Variants in SLC1A7 observed in about 807,000 individuals in gnomAD.
The protein encoded by SLC1A7 is solute carrier family 1 member 7, also known as excitatory amino acid transporter 5.
A neutral mutation model predicts 47.7 loss-of-function variants in SLC1A7; 40 were observed. The observed-to-expected ratio is 0.84, with a 90% CI of 0.65 to 1.09. The LOEUF (loss-of-function observed/expected upper bound fraction) is 1.09, where lower values mean the gene tolerates loss of function less well. Ranked by LOEUF, SLC1A7 falls within the 50% of genes least tolerant of loss-of-function variation. The probability of loss-of-function intolerance (pLI) is 0.00; values close to 1 mark genes in which losing one functional copy is unlikely to be tolerated. For missense variants in SLC1A7, 746 were observed against 769.5 expected (o/e 0.97, Z 0.36); for synonymous variants, 323 against 325.6 (o/e 0.99, Z 0.09).
rs773435813 is a variant in SLC1A7, at chr1:53,092,549, G to T, written c.1031+5C>A. 6.3e-5 allele frequency: 102 copies of T among 1,606,768 alleles called. No individual in the cohort carries two copies. Among genetic ancestry groups the T allele is most frequent in the Non-Finnish European group, 8.4e-5 (98 of 1,173,590 alleles). On this transcript the variant is annotated splice_donor_5th_base_variant and intron_variant, in intron 7 of 10. Transcript: ENST00000371494. ...CCCCACCGTCCTGCCCGTCCCCGGG[G>T]CTACCTGGAGGAGGTGGCCAGCGCG...
At position 53,088,179 on chromosome 1, in the gene SLC1A7, C is replaced by T; in HGVS notation, c.1513G>A (p.Ala505Thr). 6.2e-7 allele frequency: 1 copy of T among 1,613,468 alleles called. No individual in the cohort carries two copies. The highest frequency in any genetic ancestry group is 8.5e-7 in the Non-Finnish European group (1 of 1,179,666). Reference sequence around the variant, plus strand: ...TTCACACAGCCATTCTGCTGGGCTGCCACGATCTCCTGGAGGCTCACTGGC... The same window carrying T: ...TTCACACAGCCATTCTGCTGGGCTGTCACGATCTCCTGGAGGCTCACTGGC... ...TKPVSLQEIV[A>T]AQQNGCVKSV... Residue 505 changes from alanine (A) to threonine (T), a missense_variant, in exon 11 of 11, where the codon GCA (alanine) becomes ACA (threonine). Physicochemically the swap from Ala to Thr is moderately conservative, Grantham distance 58 (BLOSUM62 0). Coordinates refer to ENST00000371494, the MANE Select transcript of SLC1A7 (RefSeq NM_006671.6).
chr1:53,105,707 C>T, intron 4 of SLC1A7, 25 bp downstream of exon 4: 2 of 1,597,116 alleles, frequency 1.3e-6, no homozygotes, highest in Non-Finnish European at 1.7e-6. Flanking sequence ...CTTCCCTCCC[C>T]TCCACTGCCC....
At chr1:53,103,224 T>G (rs1045757540) in intron 5 of SLC1A7, 122 bp downstream of exon 5, 21 of 727,062 alleles carry the variant, frequency 2.9e-5, no homozygotes, top group Non-Finnish European at 4.6e-5. Flanking sequence ...ATATTTCCAG[T>G]TTTTCACAGT....
At position 53,088,185 on chromosome 1, in the gene SLC1A7, T is replaced by C. The variant is rs761549622; in HGVS notation, c.1507A>G (p.Ile503Val). 2.5e-6 allele frequency: 4 copies of C among 1,612,878 alleles called. No individual in the cohort carries two copies. In the African/African-American group the frequency reaches 5.3e-5, roughly 22 times the overall value. ...CAGCCATTCTGCTGGGCTGCCACGATCTCCTGGAGGCTCACTGGCTTGGTC... is the reference window on the plus strand; with the variant it reads ...CAGCCATTCTGCTGGGCTGCCACGACCTCCTGGAGGCTCACTGGCTTGGTC... ...CETKPVSLQE[I>V]VAAQQNGCVK... The change falls in exon 11 of 11, where the codon ATC becomes GTC. Residue 503 changes from isoleucine (I) to valine (V), a missense_variant. Coordinates refer to ENST00000371494, the MANE Select transcript of SLC1A7 (RefSeq NM_006671.6).
chr1:53,132,451 G>A (rs1219482945), intron 2 of SLC1A7, among the ~76,000 whole-genome samples: 2 of 152,174 alleles, frequency 1.3e-5, no homozygotes, highest in Non-Finnish European at 1.5e-5. Flanking sequence ...CCAATGACAG[G>A]CCCGATGGAA....
chr1:53,116,894 A>G (rs1644768630), intron 2 of SLC1A7, among the ~76,000 whole-genome samples: 1 of 152,244 alleles, frequency 6.6e-6, no homozygotes. Context: ...GGAAGAAATC[A>G]GAACCTGTCC....
At chr1:53,114,297 G>A (rs1293638788) in intron 3 of SLC1A7, among the ~76,000 whole-genome samples, 8 of 152,178 alleles carry the variant, frequency 5.3e-5, no homozygotes, top group Admixed American at 4.6e-4. Context: ...TTGCTAGGGG[G>A]TGGCACCACA....
chr1:53,090,642 TCGTAG>T lies in SLC1A7; in HGVS notation c.1191_1195del (p.Asn397LysfsTer45), dbSNP rs1557665447. On this transcript the variant is annotated frameshift_variant, in exon 8 of 11. Coordinates refer to ENST00000371494, the MANE Select transcript of SLC1A7 (RefSeq NM_006671.6). LOFTEE classifies it high-confidence loss of function. Reference sequence around the variant, plus strand: ...GGTGATGATCTGGCCAAAGTCCAGCTCGTAGTTGTTGACCTGGGCGATGAAGATGG... The same window carrying T: ...GGTGATGATCTGGCCAAAGTCCAGCTTTGTTGACCTGGGCGATGAAGATGG... 1 of 1,605,764 alleles carries T rather than the reference TCGTAG, an allele frequency of 6.2e-7. No homozygotes were observed. Among genetic ancestry groups the T allele is most frequent in the Non-Finnish European group, 8.5e-7 (1 of 1,174,350 alleles).
intron 5 of SLC1A7, among the ~76,000 whole-genome samples, chr1:53,099,114 A>G (rs538679742): frequency 1.3e-5 from 2 of 148,994 alleles, no homozygotes; most frequent in East Asian, 4.0e-4. Flanking sequence ...CCGCCTCGGT[A>G]GGCTCACACA....
intron 3 of SLC1A7, among the ~76,000 whole-genome samples, chr1:53,106,909 C>G (rs1284506569): frequency 6.6e-6 from 1 of 152,110 alleles, no homozygotes; most frequent in East Asian, 1.9e-4. Flanking sequence ...AATCCCAGCA[C>G]TTTGGGAGGC....
Position 53,103,398 on chromosome 1 carries a change from G to A in SLC1A7, c.645C>T (p.Gly215=). The A allele has an allele frequency of 3.7e-6, 6 of 1,610,988 alleles. No individual in the cohort carries two copies. The highest frequency in any genetic ancestry group is 5.1e-6 in the Non-Finnish European group (6 of 1,179,110). ...CCAGCACATTCATGCCATCGCTGGT[G>A]CCCGGCTCTGACTTGTAAACGACCT... ...PPEVVYKSEP[G]TSDGMNVLGI... The change falls in exon 5 of 11, where the codon GGC becomes GGT. Residue 215 remains glycine (G), a synonymous_variant. Coordinates refer to ENST00000371494, the MANE Select transcript of SLC1A7 (RefSeq NM_006671.6).
At chr1:53,095,732 G>A (rs1213971075) in intron 5 of SLC1A7, among the ~76,000 whole-genome samples, 6 of 140,972 alleles carry the variant, frequency 4.3e-5, no homozygotes, top group South Asian at 4.6e-4. Context: ...AACTTGCCTC[G>A]GTACACTCAA....
At chr1:53,106,557 G>T (rs147001337) in intron 3 of SLC1A7, among the ~76,000 whole-genome samples, 2,226 of 148,740 alleles carry the variant, frequency 0.015, 63 homozygotes, top group African/African-American at 0.053. Flanking sequence ...CCGAGATCGC[G>T]CCACTGCACC....
intron 7 of SLC1A7, chr1:53,091,107 AGGCTGTCTG>A: frequency 4.2e-6 from 3 of 716,132 alleles, no homozygotes; most frequent in Non-Finnish European, 6.7e-6. Context: ...GCCCTGGGCC[AGGCTGTCTG>A]GGCTTAGATT....
At chr1:53,136,558 C>CATATATAATATATAAACATATATA (rs1644997238) in intron 1 of SLC1A7, among the ~76,000 whole-genome samples, 1 of 30,870 alleles carries the variant, frequency 3.2e-5, no homozygotes, top group African/African-American at 1.2e-4. Context: ...TATATATAAA[C>CATATATAATATATAAACATATATA]ATATATATAA....
At chr1:53,106,449 A>G (rs377766813) in intron 3 of SLC1A7, among the ~76,000 whole-genome samples, 1 of 151,838 alleles carries the variant, frequency 6.6e-6, no homozygotes, top group Non-Finnish European at 1.5e-5. Context: ...CTAAAAATAC[A>G]AAAAATTAGC....
chr1:53,130,316 C>T (rs1361980497), intron 2 of SLC1A7, among the ~76,000 whole-genome samples: 2 of 152,082 alleles, frequency 1.3e-5, no homozygotes, highest in Non-Finnish European at 2.9e-5. Context: ...ACCCTTGTGG[C>T]ATGCTGTGGG....
At chr1:53,100,556 C>CCCA (rs1644562692) in intron 5 of SLC1A7, among the ~76,000 whole-genome samples, 1 of 151,614 alleles carries the variant, frequency 6.6e-6, no homozygotes, top group African/African-American at 2.4e-5. Context: ...TACTCACACA[C>CCCA]ACTGCCTCAA....
intron 2 of SLC1A7, among the ~76,000 whole-genome samples, chr1:53,119,626 A>G (rs1298331676): frequency 6.6e-6 from 1 of 152,168 alleles, no homozygotes; most frequent in African/African-American, 2.4e-5. Flanking sequence ...TGCTGGGATT[A>G]CAGGTGTGAG....
Sources: allele counts gnomAD v4.1 joint callset (sites outside exome capture counted in the v4.1 genomes callset), GRCh38; gene constraint gnomAD v4.1.1; transcripts MANE v1.5; gene names NCBI Gene and HGNC (gene_info 2026-07-23, HGNC 2026-07-21).